CSMD1: variants seen among roughly 807,000 people sequenced by gnomAD.
CSMD1 encodes the protein CUB and sushi domain-containing protein 1.
CSMD1 carries 213 observed loss-of-function variants against 417.5 expected under a neutral mutation model. The observed-to-expected ratio is 0.51, with a 90% CI of 0.46 to 0.57. CSMD1 has a LOEUF of 0.57. CSMD1 is among the 20% of genes least tolerant of loss of function. The probability of loss-of-function intolerance (pLI) is 0.00; values close to 1 mark genes in which losing one functional copy is unlikely to be tolerated. For synonymous variants in CSMD1, 2,862 were observed against 1,736.8 expected (o/e 1.65, Z -16.11); for missense variants, 6,923 against 4,529.7 (o/e 1.53, Z -15.17).
chr8:4,168,686 G>C (rs916766102), intron 3 of CSMD1, among the ~76,000 whole-genome samples: 23 of 152,196 alleles, frequency 1.5e-4, no homozygotes, highest in Non-Finnish European at 3.2e-4. Context: ...AAAAAATGCT[G>C]TTATTAATTC....
intron 5 of CSMD1, among the ~76,000 whole-genome samples, chr8:3,991,686 G>T (rs374121156): frequency 3.3e-5 from 5 of 152,102 alleles, no homozygotes; most frequent in African/African-American, 1.2e-4. Flanking sequence ...GAAATTCTAG[G>T]ATGAGAGTGG....
intron 21 of CSMD1, among the ~76,000 whole-genome samples, chr8:3,358,429 C>G (rs945678080): frequency 2.0e-5 from 3 of 152,196 alleles, no homozygotes; most frequent in Non-Finnish European, 4.4e-5. Context: ...GTGTGGACAA[C>G]ACACCCTATT....
intron 7 of CSMD1, among the ~76,000 whole-genome samples, chr8:3,674,702 T>A (rs1214484011): frequency 6.6e-6 from 1 of 152,124 alleles, no homozygotes; most frequent in East Asian, 1.9e-4. Flanking sequence ...GAGAATGAGA[T>A]GAGAGCCCCA....
intron 46 of CSMD1, among the ~76,000 whole-genome samples, chr8:3,105,899 G>C (rs1042971017): frequency 1.3e-5 from 2 of 152,278 alleles, no homozygotes; most frequent in African/African-American, 4.8e-5. Context: ...TATATATTCA[G>C]GTGTTACATT....
chr8:4,851,993 C>T (rs1489190990), intron 1 of CSMD1, among the ~76,000 whole-genome samples: 3 of 152,168 alleles, frequency 2.0e-5, no homozygotes, highest in Non-Finnish European at 1.5e-5. Flanking sequence ...TTTAATCTCT[C>T]TCTGGACGCT....
chr8:4,091,579 A>G (rs944401602), intron 3 of CSMD1, among the ~76,000 whole-genome samples: 1 of 152,196 alleles, frequency 6.6e-6, no homozygotes, highest in African/African-American at 2.4e-5. Flanking sequence ...ATCCCTCAGT[A>G]TTATAATTGT....
At chr8:3,480,218 T>G (rs1039545118) in intron 11 of CSMD1, among the ~76,000 whole-genome samples, 1 of 152,002 alleles carries the variant, frequency 6.6e-6, no homozygotes, top group Non-Finnish European at 1.5e-5. Context: ...AAAAATTAGC[T>G]GGGTGTGGTG....
chr8:3,032,128 A>C (rs1810381514), intron 50 of CSMD1, among the ~76,000 whole-genome samples: 1 of 151,946 alleles, frequency 6.6e-6, no homozygotes, highest in Admixed American at 6.6e-5. Context: ...GACTGCAATA[A>C]ATATTAATAT....
chr8:3,378,462 C>G (rs1391430060), intron 18 of CSMD1, among the ~76,000 whole-genome samples: 1 of 152,108 alleles, frequency 6.6e-6, no homozygotes, highest in South Asian at 2.1e-4. Context: ...AAATTTCAGG[C>G]CAATATCCCT....
At chr8:3,157,186 G>C (rs906824723) in intron 39 of CSMD1, among the ~76,000 whole-genome samples, 22 of 152,022 alleles carry the variant, frequency 1.4e-4, no homozygotes, top group African/African-American at 4.3e-4. Context: ...AAAGGTTTCT[G>C]AGTTGGGCTA....
At chr8:4,102,196 G>A (rs1273430236) in intron 3 of CSMD1, among the ~76,000 whole-genome samples, 1 of 152,080 alleles carries the variant, frequency 6.6e-6, no homozygotes, top group Admixed American at 6.5e-5. Flanking sequence ...ATGCTTTATT[G>A]TCTCTTTTGT....
intron 1 of CSMD1, among the ~76,000 whole-genome samples, chr8:4,662,037 G>C (rs1804640752): frequency 6.6e-6 from 1 of 152,062 alleles, no homozygotes; most frequent in Admixed American, 6.5e-5. Flanking sequence ...ACATACACAG[G>C]TCAATGATGT....
At chr8:4,577,558 T>C (rs1799197395) in intron 2 of CSMD1, among the ~76,000 whole-genome samples, 1 of 152,096 alleles carries the variant, frequency 6.6e-6, no homozygotes, top group Non-Finnish European at 1.5e-5. Context: ...GCATCCTTCC[T>C]CCGGGTGTGA....
At chr8:3,883,907 T>C (rs555655148) in intron 5 of CSMD1, among the ~76,000 whole-genome samples, 3 of 152,208 alleles carry the variant, frequency 2.0e-5, no homozygotes, top group South Asian at 2.1e-4. Flanking sequence ...ATAAATTAAA[T>C]ATATGTTAAA....
At position 3,061,950 on chromosome 8, in the gene CSMD1, A is replaced by C. The variant is rs149511751; in HGVS notation, c.7475-9303T>G. 8.2e-3 allele frequency among the ~76,000 whole-genome samples: 1,252 copies of C among 152,278 alleles called. 20 individuals are homozygous for C. The highest frequency in any genetic ancestry group is 0.028 in the African/African-American group (1,174 of 41,566). On this transcript the variant is annotated intron_variant, in intron 49 of 69. Transcript: ENST00000635120. ...GGGTCAGATATCAGAGTAGCTGATG[A>C]CGAAGCCTGCCTTTCAGTTACTCTC...
chr8:3,686,920 G>C (rs890410973), intron 7 of CSMD1, among the ~76,000 whole-genome samples: 3 of 152,164 alleles, frequency 2.0e-5, no homozygotes, highest in African/African-American at 4.8e-5. Flanking sequence ...ACAGAGTAGA[G>C]CTTTGTCTCC....
intron 5 of CSMD1, among the ~76,000 whole-genome samples, chr8:3,784,627 A>T (rs1799349187): frequency 1.3e-5 from 2 of 152,330 alleles, no homozygotes; most frequent in South Asian, 4.1e-4. Flanking sequence ...AAAAATGAAT[A>T]AATCAATAAA....
intron 6 of CSMD1, among the ~76,000 whole-genome samples, chr8:3,711,688 C>T (rs1052574154): frequency 3.3e-5 from 5 of 152,178 alleles, no homozygotes; most frequent in African/African-American, 9.7e-5. Flanking sequence ...GTGGCACACT[C>T]AGAAGTCCTC....
chr8:4,779,250 T>C (rs967376693), intron 1 of CSMD1, among the ~76,000 whole-genome samples: 2 of 152,092 alleles, frequency 1.3e-5, no homozygotes, highest in Non-Finnish European at 2.9e-5. Flanking sequence ...CTGTAGAAAT[T>C]GACATTACTT....
Sources: gnomAD v4.1 joint callset for allele counts (sites outside exome capture counted in the v4.1 genomes callset) on GRCh38, gnomAD v4.1.1 for gene constraint, MANE v1.5 for transcripts, NCBI Gene and HGNC (gene_info 2026-07-23, HGNC 2026-07-21) for gene names.